ATL3: variants seen among roughly 807,000 people sequenced by gnomAD.
ATL3 encodes atlastin GTPase 3.
A neutral mutation model predicts 69.5 loss-of-function variants in ATL3; 49 were observed. The ratio of observed to expected loss-of-function variants is 0.71; its 90% CI spans 0.56 to 0.89. ATL3 has a LOEUF of 0.89. Ranked by LOEUF, ATL3 falls within the 40% of genes least tolerant of loss-of-function variation. The pLI, the probability that ATL3 is intolerant of heterozygous loss-of-function variation, is 0.00. For missense variants in ATL3, 606 were observed against 645.7 expected, an observed-to-expected ratio of 0.94 and a Z score of 0.67; for synonymous variants, 214 against 224.1, an observed-to-expected ratio of 0.95 and a Z score of 0.40.
In ATL3 at chr11:63,627,501, C is replaced by T. The variant is rs967235051; in HGVS notation, c.*1818G>A. 1 of 152,088 alleles carries T rather than the reference C, an allele frequency of 6.6e-6. No homozygotes were observed. The allele number at this position is 152,088 out of a possible 1,614,324, so 9.4% of individuals were successfully genotyped here. A position where few individuals can be genotyped will look rare whatever the true frequency, so the allele number is the denominator to read the frequency against. ...AATTCTTTGATAAAGAGATTACATG[C>T]GAAAAGGGACTTTTTTTCTACCTTC... On this transcript the variant is annotated 3_prime_UTR_variant, in exon 13 of 13. Coordinates refer to ENST00000398868, the MANE Select transcript of ATL3 (RefSeq NM_015459.5).
chr11:63,654,285 T>G (rs1045247054), intron 3 of ATL3, among the ~76,000 whole-genome samples: 5 of 151,748 alleles, frequency 3.3e-5, no homozygotes, highest in Non-Finnish European at 7.4e-5. Flanking sequence ...TAGCTGGGAC[T>G]ATAGACGCCC....
At chr11:63,631,636 T>A (rs896328586) in intron 11 of ATL3, among the ~76,000 whole-genome samples, 165 bp from the exon 12 acceptor site, 4 of 152,228 alleles carry the variant, frequency 2.6e-5, no homozygotes, top group Non-Finnish European at 5.9e-5. Flanking sequence ...TAGTTTCACT[T>A]CCTCTGAAAA....
In ATL3 at chr11:63,631,409, G is replaced by A. The variant is rs752427656; in HGVS notation, c.1170C>T (p.Phe390=). 1 of 1,614,104 alleles carries A rather than the reference G, an allele frequency of 6.2e-7. No homozygotes were observed. Among genetic ancestry groups the A allele is most frequent in the East Asian group, 2.2e-5 (1 of 44,880 alleles). Residue 390 remains phenylalanine (F), a synonymous_variant, in exon 12 of 13, where the codon TTC becomes TTT. Coordinates refer to ENST00000398868, the MANE Select transcript of ATL3 (RefSeq NM_015459.5). ...PDILEEKHCE[F]KQLALDHFKK... ...TAAAATGGTCCAGAGCAAGTTGTTT[G>A]AATTCACAGTGCTTCTCCTCTAGAA...
chr11:63,631,059 G>A lies in ATL3; in HGVS notation c.1520C>T (p.Ala507Val). The change falls in exon 12 of 13, where the codon GCC becomes GTC. Residue 507 changes from alanine (A) to valine (V), a missense_variant. Transcript: ENST00000398868. ...RELGGAIDFG[A>V]AYVLEQASSH... The stretch of plus-strand genomic sequence containing the variant: ...ACTTACCTGCTCCAACACATATGCG[G>A]CACCAAAATCAATAGCTCCGCCCAG... 6.2e-6 allele frequency: 10 copies of A among 1,612,278 alleles called. No individual in the cohort carries two copies. Among genetic ancestry groups the A allele is most frequent in the Non-Finnish European group, 8.5e-6 (10 of 1,179,018 alleles).
chr11:63,647,960 T>C (rs1939939311), intron 5 of ATL3, among the ~76,000 whole-genome samples: 1 of 152,132 alleles, frequency 6.6e-6, no homozygotes, highest in Non-Finnish European at 1.5e-5. Context: ...GCTCAGAAAT[T>C]ATAAGCATAC....
intron 4 of ATL3, 68 bp downstream of exon 4, chr11:63,652,403 C>CA (rs1309904923): frequency 9.8e-7 from 1 of 1,021,942 alleles, no homozygotes; most frequent in Admixed American, 2.6e-5. Flanking sequence ...GAACAATAAC[C>CA]AAAACTGTAT....
rs1341294766 is a variant in ATL3 at position 63,659,067 on chromosome 11, C to T, written c.232G>A (p.Asp78Asn). ...GAATATAAGTATCGTAGCATAAAAT[C>T]CAGAATGAAGGACTTGCCCTTTCGG... ...AFRKGKSFILDFMLRYLYSQK... is the reference protein window; with the variant it reads ...AFRKGKSFILNFMLRYLYSQK... Residue 78 changes from aspartate (D) to asparagine (N), a missense_variant, in exon 2 of 13, where the codon GAT becomes AAT. Physicochemically the swap from Asp to Asn is conservative, Grantham distance 23. Coordinates refer to ENST00000398868, the MANE Select transcript of ATL3 (RefSeq NM_015459.5). 6.2e-7 allele frequency: 1 copy of T among 1,613,884 alleles called. No individual in the cohort carries two copies. Among genetic ancestry groups the T allele is most frequent in the African/African-American group, 1.3e-5 (1 of 74,856 alleles).
At chr11:63,646,057 C>T (rs1263460556) in intron 6 of ATL3, among the ~76,000 whole-genome samples, 2 of 17,636 alleles carry the variant, frequency 1.1e-4, no homozygotes, top group Admixed American at 1.8e-3. Flanking sequence ...AGCCACTGTA[C>T]CTACCCCCAT....
chr11:63,636,369 CCAAA>C, intron 8 of ATL3, 35 bp from the exon 9 acceptor site: 1 of 1,613,218 alleles, frequency 6.2e-7, no homozygotes, highest in Non-Finnish European at 8.5e-7. Flanking sequence ...GAAAAATAAG[CCAAA>C]CAGCCTTATT....
Position 63,628,889 on chromosome 11 carries a change from A to G in ATL3, c.*430T>C, listed in dbSNP as rs1321390499. 6.3e-6 allele frequency: 1 copy of G among 158,024 alleles called. No homozygotes were observed. Among genetic ancestry groups the G allele is most frequent in the Non-Finnish European group, 1.4e-5 (1 of 71,696 alleles). The allele number at this position is 158,024 out of a possible 1,614,324, so 9.8% of individuals were successfully genotyped here. A position where few individuals can be genotyped will look rare whatever the true frequency, so the allele number is the denominator to read the frequency against. The stretch of plus-strand genomic sequence containing the variant: ...TTCTCAAAAGAGTAAAGTATAAAAG[A>G]AATGTCAAGTTTCACCCGAAAACGG... On this transcript the variant is annotated 3_prime_UTR_variant, in exon 13 of 13. Transcript: ENST00000398868.
chr11:63,651,096 C>G (rs941039039), intron 5 of ATL3, among the ~76,000 whole-genome samples: 10 of 152,082 alleles, frequency 6.6e-5, no homozygotes, highest in African/African-American at 2.4e-4. Flanking sequence ...GAATTGCATC[C>G]AACCCTGGAA....
At chr11:63,637,904 T>G (rs1939572972) in intron 8 of ATL3, among the ~76,000 whole-genome samples, 1 of 152,228 alleles carries the variant, frequency 6.6e-6, no homozygotes. Flanking sequence ...TCACATTTGC[T>G]TTCATATACT....
intron 10 of ATL3, among the ~76,000 whole-genome samples, chr11:63,634,038 CAAAAAAAAA>C (rs1158615731): frequency 1.3e-5 from 1 of 76,108 alleles, no homozygotes; most frequent in Non-Finnish European, 2.6e-5. Flanking sequence ...CTGTCTCAAA[CAAAAAAAAA>C]AAAAAAAAAA....
chr11:63,670,751 G>A (rs548697501), intron 1 of ATL3, among the ~76,000 whole-genome samples: 5 of 152,362 alleles, frequency 3.3e-5, no homozygotes, highest in African/African-American at 1.2e-4. Context: ...AGGTCGTTAG[G>A]ATAAAAATAA....
intron 1 of ATL3, among the ~76,000 whole-genome samples, chr11:63,666,897 T>C (rs1368946119): frequency 2.0e-5 from 3 of 152,230 alleles, no homozygotes; most frequent in South Asian, 2.1e-4. Context: ...TAACGTGATG[T>C]TTTTGCACAG....
At chr11:63,668,691 G>A (rs1373299135) in intron 1 of ATL3, among the ~76,000 whole-genome samples, 1 of 151,480 alleles carries the variant, frequency 6.6e-6, no homozygotes, top group African/African-American at 2.4e-5. Context: ...TATCACAAGT[G>A]GAGGAAAAAA....
At chr11:63,666,094 C>T (rs891219986) in intron 1 of ATL3, among the ~76,000 whole-genome samples, 3 of 152,102 alleles carry the variant, frequency 2.0e-5, no homozygotes, top group Admixed American at 2.0e-4. Context: ...AATCCTCCCA[C>T]CTCAGCCTCC....
chr11:63,667,737 C>A (rs1940619329), intron 1 of ATL3, among the ~76,000 whole-genome samples: 2 of 148,464 alleles, frequency 1.3e-5, no homozygotes, highest in Non-Finnish European at 3.0e-5. Flanking sequence ...GCACTCCAGC[C>A]TGGGTGACAG....
upstream of ATL3, chr11:63,671,823 G>T: frequency 1.0e-6 from 1 of 975,924 alleles, no homozygotes; most frequent in Non-Finnish European, 1.3e-6. Flanking sequence ...CCTCCTGCGA[G>T]CTGCGGCCGG....
Sources: gnomAD v4.1 joint callset for allele counts (sites outside exome capture counted in the v4.1 genomes callset) on GRCh38, gnomAD v4.1.1 for gene constraint, MANE v1.5 for transcripts, NCBI Gene and HGNC (gene_info 2026-07-23, HGNC 2026-07-21) for gene names.